Variants in SCTR observed in about 807,000 individuals in gnomAD.
The protein encoded by SCTR is pancreatic secretin receptor.
Under a neutral mutation model 60.8 loss-of-function variants are expected in SCTR, and 56 were observed. The ratio of observed to expected loss-of-function variants is 0.92; its 90% confidence interval spans 0.74 to 1.15. SCTR has a LOEUF of 1.15. Among genes scored for constraint, SCTR ranks in the 50% most tolerant of loss-of-function variants. SCTR has a pLI of 0.00. For missense variants in SCTR, 562 were observed against 550.4 expected (o/e 1.02, Z -0.21); for synonymous variants, 202 against 217.0 (o/e 0.93, Z 0.61).
chr2:119,440,270 C>A lies in SCTR; in HGVS notation c.1183-13G>T. On this transcript the variant is annotated splice_polypyrimidine_tract_variant and intron_variant, in intron 12 of 12. Coordinates refer to ENST00000019103, the MANE Select transcript of SCTR (RefSeq NM_002980.3). ...CCTCCAGCTGCACCTGCCCGGGAGA[C>A]CAGCCATCAGCCCAGGAGGAGAGGA... 6.2e-7 allele frequency: 1 copy of A among 1,609,552 alleles called. No homozygotes were observed.
At chr2:119,467,526 G>T (rs914624905) in intron 4 of SCTR, among the ~76,000 whole-genome samples, 5 of 151,924 alleles carry the variant, frequency 3.3e-5, no homozygotes, top group African/African-American at 1.2e-4. Flanking sequence ...GGGTATAGTG[G>T]GACTCAAAAC....
intron 9 of SCTR, among the ~76,000 whole-genome samples, chr2:119,450,117 A>G (rs1383359426): frequency 6.7e-6 from 1 of 150,016 alleles, no homozygotes; most frequent in Non-Finnish European, 1.5e-5. Flanking sequence ...GGAGGGAGGG[A>G]AGGAAGGAAA....
At chr2:119,454,783 G>A (rs1210444923) in intron 7 of SCTR, among the ~76,000 whole-genome samples, 1 of 152,032 alleles carries the variant, frequency 6.6e-6, no homozygotes, top group Non-Finnish European at 1.5e-5. Flanking sequence ...GAACCCGGGA[G>A]GCGGAGGTTG....
intron 3 of SCTR, among the ~76,000 whole-genome samples, chr2:119,474,222 C>T (rs1454372360): frequency 6.6e-6 from 1 of 152,224 alleles, no homozygotes; most frequent in African/African-American, 2.4e-5. Flanking sequence ...CCCCGCCTCC[C>T]CAGTGCCTGG....
At chr2:119,478,951 G>A (rs1159457800) in intron 2 of SCTR, 33 bp from the exon 3 acceptor site, 1 of 1,613,418 alleles carries the variant, frequency 6.2e-7, no homozygotes, top group Non-Finnish European at 8.5e-7. Context: ...ACAAGGATGG[G>A]GGATGGACCG....
chr2:119,507,663 C>CTTTTTTT (rs751779879), intron 1 of SCTR, among the ~76,000 whole-genome samples: 31 of 114,718 alleles, frequency 2.7e-4, no homozygotes, highest in South Asian at 8.6e-4. Context: ...CTTTCTCGTT[C>CTTTTTTT]TTTTTTTTTT....
intron 4 of SCTR, among the ~76,000 whole-genome samples, chr2:119,469,479 C>T (rs746229113): frequency 1.3e-5 from 2 of 152,148 alleles, no homozygotes; most frequent in East Asian, 1.9e-4. Flanking sequence ...ATGTGACCTT[C>T]GGTCCTTAGC....
intron 7 of SCTR, among the ~76,000 whole-genome samples, chr2:119,458,130 C>T (rs1019323006): frequency 6.7e-6 from 1 of 150,184 alleles, no homozygotes; most frequent in Middle Eastern, 3.5e-3. Context: ...ACTGTCTCTA[C>T]AAAAAATAAA....
At chr2:119,521,571 G>A (rs1244513560) in intron 1 of SCTR, among the ~76,000 whole-genome samples, 1 of 152,088 alleles carries the variant, frequency 6.6e-6, no homozygotes, top group African/African-American at 2.4e-5. Flanking sequence ...TTATAGGGAG[G>A]CCTCAGAAAA....
intron 1 of SCTR, among the ~76,000 whole-genome samples, chr2:119,497,348 CAA>C (rs144617003): frequency 3.6e-5 from 5 of 138,906 alleles, no homozygotes; most frequent in African/African-American, 2.6e-5. Flanking sequence ...CTTCCCCTCT[CAA>C]AAAAAAAAAA....
chr2:119,506,846 G>A (rs1050808556), intron 1 of SCTR, among the ~76,000 whole-genome samples: 10 of 152,228 alleles, frequency 6.6e-5, no homozygotes, highest in South Asian at 2.1e-4. Context: ...AGTTAAGGAC[G>A]GGGTGAGAAT....
intron 2 of SCTR, among the ~76,000 whole-genome samples, chr2:119,493,353 G>T (rs1331101987): frequency 6.6e-6 from 1 of 152,160 alleles, no homozygotes; most frequent in Non-Finnish European, 1.5e-5. Flanking sequence ...TCCTTGTGAA[G>T]GGGGCTGTTA....
intron 2 of SCTR, among the ~76,000 whole-genome samples, chr2:119,491,085 A>G (rs942635704): frequency 6.6e-6 from 1 of 152,176 alleles, no homozygotes; most frequent in Non-Finnish European, 1.5e-5. Context: ...AATCCAAACA[A>G]TGACATCGTA....
chr2:119,448,168 T>A (rs1430864354), intron 10 of SCTR, among the ~76,000 whole-genome samples: 1 of 152,210 alleles, frequency 6.6e-6, no homozygotes, highest in East Asian at 1.9e-4. Flanking sequence ...TGTCGACACC[T>A]TGATCTTGGA....
chr2:119,463,927 C>G (rs1683715971), intron 6 of SCTR, among the ~76,000 whole-genome samples, 196 bp downstream of exon 6: 1 of 152,108 alleles, frequency 6.6e-6, no homozygotes. Flanking sequence ...CTACATGACC[C>G]AGATTGTGCA....
chr2:119,493,223 G>A (rs958488160), intron 2 of SCTR, among the ~76,000 whole-genome samples: 15 of 152,244 alleles, frequency 9.9e-5, no homozygotes, highest in African/African-American at 3.6e-4. Context: ...TGTCCATGCT[G>A]TAGAACATAT....
intron 3 of SCTR, 60 bp downstream of exon 3, chr2:119,478,751 G>GCC: frequency 6.5e-7 from 1 of 1,534,970 alleles, no homozygotes. Context: ...CTAAGCTGAG[G>GCC]CCCCACCCAG....
intron 11 of SCTR, among the ~76,000 whole-genome samples, chr2:119,445,515 A>G (rs561191534): frequency 6.6e-6 from 1 of 152,260 alleles, no homozygotes; most frequent in East Asian, 1.9e-4. Flanking sequence ...CCTCCCTAGA[A>G]CCTGTAAGTA....
At chr2:119,494,154 T>C (rs1307012227) in intron 2 of SCTR, among the ~76,000 whole-genome samples, 3 of 152,142 alleles carry the variant, frequency 2.0e-5, no homozygotes, top group Non-Finnish European at 1.5e-5. Context: ...GCTCTTACGT[T>C]GGCCAAGTCA....
Sources: allele counts gnomAD v4.1 joint callset (sites outside exome capture counted in the v4.1 genomes callset), GRCh38; gene constraint gnomAD v4.1.1; transcripts MANE v1.5; gene names NCBI Gene and HGNC (gene_info 2026-07-23, HGNC 2026-07-21).